TBXAS1: variants seen among roughly 807,000 people sequenced by gnomAD.
TBXAS1 encodes the protein thromboxane A synthase 1.
A neutral mutation model predicts 60.7 loss-of-function variants in TBXAS1; 48 were observed. That is an observed-to-expected ratio of 0.79 (90% CI 0.63 to 1.01). TBXAS1 has a LOEUF of 1.01. Among genes scored for constraint, TBXAS1 ranks in the 50% least tolerant of loss-of-function variants. The pLI, the probability that TBXAS1 is intolerant of heterozygous loss-of-function variation, is 0.00. For missense variants in TBXAS1, 685 were observed against 686.3 expected, an observed-to-expected ratio of 1.00 and a Z score of 0.02; for synonymous variants, 287 against 269.7, an observed-to-expected ratio of 1.06 and a Z score of -0.63.
chr7:139,805,234 A>G (rs1220442272), intron 4 of TBXAS1, among the ~76,000 whole-genome samples: 1 of 152,254 alleles, frequency 6.6e-6, no homozygotes, highest in Non-Finnish European at 1.5e-5. Flanking sequence ...TCTATGAGGT[A>G]TATATATTAT....
intron 1 of TBXAS1, among the ~76,000 whole-genome samples, chr7:139,837,677 G>A (rs1799158753): frequency 6.6e-6 from 1 of 152,168 alleles, no homozygotes; most frequent in Admixed American, 6.5e-5. Context: ...ATGAGAGGTA[G>A]GCAAGGGATA....
upstream of TBXAS1, among the ~76,000 whole-genome samples, chr7:139,828,542 T>C (rs1170413427): frequency 6.6e-6 from 1 of 152,150 alleles, no homozygotes; most frequent in Non-Finnish European, 1.5e-5. Context: ...TTGCAGTTGA[T>C]CTGGAGCTAA....
At position 139,954,316 on chromosome 7, in the gene TBXAS1, A is replaced by G. The variant is rs539125065; in HGVS notation, c.539+860A>G. On this transcript the variant is annotated intron_variant, in intron 6 of 12. Coordinates refer to ENST00000448866, the MANE Select transcript of TBXAS1 (RefSeq NM_001061.7). ...ATTGTCTCTGATTATTATAGGATGCATGAGTTGGCTAAAGATAAGGTGGCC... is the reference window on the plus strand; with the variant it reads ...ATTGTCTCTGATTATTATAGGATGCGTGAGTTGGCTAAAGATAAGGTGGCC... 3.9e-5 allele frequency among the ~76,000 whole-genome samples: 6 copies of G among 152,362 alleles called. No individual in the cohort carries two copies. The East Asian group carries it at 1.2e-3, about 29-fold the overall frequency.
chr7:139,919,992 T>G (rs1427195493), intron 4 of TBXAS1, among the ~76,000 whole-genome samples: 1 of 152,226 alleles, frequency 6.6e-6, no homozygotes, highest in Non-Finnish European at 1.5e-5. Context: ...TGCTCCATCA[T>G]TATTCACAGC....
chr7:139,805,720 C>CTTTA (rs1797851152), intron 4 of TBXAS1, among the ~76,000 whole-genome samples: 1 of 106,810 alleles, frequency 9.4e-6, no homozygotes, highest in African/African-American at 4.5e-5. Flanking sequence ...CTTTCTCTCT[C>CTTTA]TCTCTCTCTC....
At position 140,015,415 on chromosome 7, in the gene TBXAS1, G is replaced by A. The variant is rs1025947223; in HGVS notation, c.1227-308G>A. ...AAAGCAGTTTGCACCCCGACATGGG[G>A]CACAAGAGGGGCCCTTTGTGCTTGA... is the stretch of plus-strand genomic sequence containing the variant. On this transcript the variant is annotated intron_variant, in intron 10 of 12. Transcript: ENST00000448866. Among the ~76,000 whole-genome samples the A allele has an allele frequency of 4.6e-5, 7 of 152,322 alleles. No individual in the cohort carries two copies. In the East Asian group the frequency reaches 1.3e-3, roughly 29 times the overall value.
intron 1 of TBXAS1, among the ~76,000 whole-genome samples, chr7:139,839,013 C>T (rs182188072): frequency 1.3e-5 from 2 of 152,324 alleles, no homozygotes; most frequent in Admixed American, 6.5e-5. Flanking sequence ...ACGAGTTGAA[C>T]GTTGCTCGAG....
intron 9 of TBXAS1, among the ~76,000 whole-genome samples, chr7:139,987,452 T>A (rs2108033): frequency 6.6e-6 from 1 of 151,926 alleles, no homozygotes; most frequent in African/African-American, 2.4e-5. Context: ...GACAGCTCTG[T>A]TCCCCTGGGG....
chr7:139,855,735 C>T (rs1465748772), intron 1 of TBXAS1, among the ~76,000 whole-genome samples: 2 of 152,184 alleles, frequency 1.3e-5, no homozygotes, highest in Non-Finnish European at 2.9e-5. Flanking sequence ...CTGGGACTAA[C>T]TTCCTCTGAC....
At chr7:139,985,896 C>T (rs3801150) in intron 9 of TBXAS1, among the ~76,000 whole-genome samples, 59,168 of 152,092 alleles carry the variant, frequency 0.39, 12,192 homozygotes, top group East Asian at 0.71. Context: ...TGTGGACCAT[C>T]GGGGGCCTAG....
intron 8 of TBXAS1, among the ~76,000 whole-genome samples, chr7:139,960,392 C>T (rs1246465466): frequency 6.6e-6 from 1 of 152,184 alleles, no homozygotes; most frequent in African/African-American, 2.4e-5. Context: ...TAAAACTAGG[C>T]ACGGTGTCAG....
chr7:139,930,682 G>A (rs1056779392), intron 4 of TBXAS1, among the ~76,000 whole-genome samples: 3 of 152,008 alleles, frequency 2.0e-5, no homozygotes, highest in Non-Finnish European at 2.9e-5. Context: ...TCAGAAAGGG[G>A]TGGGGAACTG....
At chr7:139,813,254 C>T (rs1042777593) in intron 4 of TBXAS1, among the ~76,000 whole-genome samples, 3 of 152,084 alleles carry the variant, frequency 2.0e-5, no homozygotes, top group Non-Finnish European at 2.9e-5. Context: ...CTTTCGTATT[C>T]GGCCTTTCAG....
intron 10 of TBXAS1, 98 bp downstream of exon 10, chr7:140,007,280 T>C (rs551590248): frequency 2.6e-6 from 3 of 1,139,200 alleles, no homozygotes; most frequent in East Asian, 2.4e-5. Context: ...AGTTACCACT[T>C]GTGTTTCTGG....
At chr7:139,841,289 A>G (rs2116573361) in intron 1 of TBXAS1, among the ~76,000 whole-genome samples, 1 of 152,284 alleles carries the variant, frequency 6.6e-6, no homozygotes, top group Non-Finnish European at 1.5e-5. Context: ...GGAAGAATTG[A>G]CTTGGCAGAG....
At chr7:139,867,826 T>TAATAAATAAATAAATA (rs55731121) in intron 1 of TBXAS1, among the ~76,000 whole-genome samples, 7 of 146,854 alleles carry the variant, frequency 4.8e-5, no homozygotes, top group African/African-American at 1.0e-4. Context: ...CGAAAATAAA[T>TAATAAATAAATAAATA]AATAAATAAA....
intron 6 of TBXAS1, among the ~76,000 whole-genome samples, chr7:139,954,840 G>A (rs1231968376): frequency 6.6e-6 from 1 of 152,182 alleles, no homozygotes; most frequent in Non-Finnish European, 1.5e-5. Context: ...ATAATATACA[G>A]ATGTTCATGA....
intron 1 of TBXAS1, among the ~76,000 whole-genome samples, chr7:139,865,743 GGAA>G (rs1222293092): frequency 2.6e-5 from 3 of 113,704 alleles, no homozygotes; most frequent in African/African-American, 1.0e-4. Context: ...AGGAGGAGGA[GGAA>G]GAGGAGGAGG....
At chr7:139,898,866 C>T (rs1211179310) in intron 3 of TBXAS1, among the ~76,000 whole-genome samples, 1 of 152,050 alleles carries the variant, frequency 6.6e-6, no homozygotes, top group Non-Finnish European at 1.5e-5. Context: ...TTGATTTGCT[C>T]AAGGTGATAC....
Sources: gnomAD v4.1 joint callset for allele counts (sites outside exome capture counted in the v4.1 genomes callset) on GRCh38, gnomAD v4.1.1 for gene constraint, MANE v1.5 for transcripts, NCBI Gene and HGNC (gene_info 2026-07-23, HGNC 2026-07-21) for gene names.